The following ASAP1 variants were observed in gnomAD, a reference collection of about 807,000 sequenced individuals.
ASAP1 encodes the protein ArfGAP with SH3 domain, ankyrin repeat and PH domain 1.
Under a neutral mutation model 145.2 loss-of-function variants are expected in ASAP1, and 43 were observed. The observed-to-expected ratio is 0.30, with a 90% CI of 0.23 to 0.38. The LOEUF is 0.38. Ranked by LOEUF, ASAP1 falls within the 10% of genes least tolerant of loss-of-function variation. The probability of loss-of-function intolerance (pLI) is 1.00; values close to 1 mark genes in which losing one functional copy is unlikely to be tolerated. For missense variants in ASAP1, 1,018 were observed against 1,355.3 expected (o/e 0.75, Z 3.91); for synonymous variants, 546 against 515.5 (o/e 1.06, Z -0.80).
intron 2 of ASAP1, among the ~76,000 whole-genome samples, chr8:130,396,714 C>G (rs1252654750): frequency 6.6e-6 from 1 of 152,218 alleles, no homozygotes; most frequent in Non-Finnish European, 1.5e-5. Context: ...CATTCCTGAT[C>G]CCTGCCCTGC....
rs904558903 is a variant in ASAP1 at position 130,308,319 on chromosome 8, G to A, written c.186+49698C>T. On this transcript the variant is annotated intron_variant, in intron 3 of 29. Transcript: ENST00000518721. ...CAACCCCATGTTATGATCAAAATAAGAAACCTGAATACAGGCAGACAGGGG... is the reference window on the plus strand; with the variant it reads ...CAACCCCATGTTATGATCAAAATAAAAAACCTGAATACAGGCAGACAGGGG... 1.4e-4 allele frequency among the ~76,000 whole-genome samples: 22 copies of A among 152,082 alleles called. 1 individual carries two copies. The highest frequency in any genetic ancestry group is 1.4e-3 in the Admixed American group (22 of 15,278).
chr8:130,276,728 A>ACACACTCTCTCTCTCT lies in ASAP1; in HGVS notation c.187-39735_187-39734insAGAGAGAGAGAGTGTG, dbSNP rs548512902. Among the ~76,000 whole-genome samples the ACACACTCTCTCTCTCT allele has an allele frequency of 3.3e-3, 290 of 87,276 alleles. 3 individuals carry two copies. Among genetic ancestry groups the ACACACTCTCTCTCTCT allele is most frequent in the East Asian group, 0.014 (29 of 2,022 alleles). The allele number at this position is 87,276 out of a possible 152,430, so 57.3% of individuals were successfully genotyped here. The stretch of plus-strand genomic sequence containing the variant: ...CACACACACACACACACACACACAC[A>ACACACTCTCTCTCTCT]CTCTCTCTCTCTCTCTCTCTCTCTC... On this transcript the variant is annotated intron_variant, in intron 3 of 29. Coordinates refer to ENST00000518721, the MANE Select transcript of ASAP1 (RefSeq NM_018482.4).
At chr8:130,284,452 T>A (rs528139732) in intron 3 of ASAP1, among the ~76,000 whole-genome samples, 1 of 152,206 alleles carries the variant, frequency 6.6e-6, no homozygotes, top group East Asian at 1.9e-4. Flanking sequence ...TCAACTTTTC[T>A]CTAAAGGTGA....
intron 13 of ASAP1, among the ~76,000 whole-genome samples, chr8:130,140,166 G>C (rs2097606973): frequency 6.6e-6 from 1 of 151,234 alleles, no homozygotes; most frequent in Non-Finnish European, 1.5e-5. Flanking sequence ...CCAAGTAGCT[G>C]GGACTATGGA....
At chr8:130,357,996 G>T (rs748706998) in intron 3 of ASAP1, 21 bp downstream of exon 3, 16 of 1,594,930 alleles carry the variant, frequency 1.0e-5, no homozygotes, top group Admixed American at 1.7e-5. Flanking sequence ...CGTGGACGGC[G>T]GGGGTCCCGG....
At chr8:130,308,859 T>C (rs796827082) in intron 3 of ASAP1, among the ~76,000 whole-genome samples, 1 of 151,974 alleles carries the variant, frequency 6.6e-6, no homozygotes, top group Non-Finnish European at 1.5e-5. Context: ...CTGGCCAACA[T>C]GGTAAAACCT....
intron 22 of ASAP1, among the ~76,000 whole-genome samples, 154 bp from the exon 23 acceptor site, chr8:130,115,889 G>A (rs1018343287): frequency 2.0e-5 from 3 of 152,210 alleles, no homozygotes; most frequent in African/African-American, 2.4e-5. Context: ...AAGCTGCACT[G>A]CTATGTGACA....
intron 25 of ASAP1, chr8:130,083,297 TTCCTTTTCCCTGCA>T (rs1443433098): frequency 6.6e-6 from 1 of 152,216 alleles, no homozygotes; most frequent in Non-Finnish European, 1.5e-5. Context: ...GCCCCTTACG[TTCCTTTTCCCTGCA>T]AGGAAGGCCT....
intron 13 of ASAP1, among the ~76,000 whole-genome samples, chr8:130,149,614 G>C (rs1292526094): frequency 1.3e-5 from 2 of 152,108 alleles, no homozygotes; most frequent in Non-Finnish European, 1.5e-5. Context: ...ACACTGATGA[G>C]GGCCTTCAAA....
intron 3 of ASAP1, among the ~76,000 whole-genome samples, chr8:130,309,196 G>A (rs1236232500): frequency 2.0e-5 from 3 of 152,116 alleles, no homozygotes; most frequent in Non-Finnish European, 2.9e-5. Context: ...TGCTTGCTTT[G>A]GGGCATAGTC....
At chr8:130,342,627 C>T (rs561782114) in intron 3 of ASAP1, among the ~76,000 whole-genome samples, 41 of 152,234 alleles carry the variant, frequency 2.7e-4, no homozygotes, top group Non-Finnish European at 5.9e-4. Context: ...AAAACAAAAG[C>T]GGCTGTTACA....
rs745746856 is a variant in ASAP1, at chr8:130,402,032, T to C, written c.-27-62A>G. On this transcript the variant is annotated intron_variant, in intron 1 of 29. Coordinates refer to ENST00000518721, the MANE Select transcript of ASAP1 (RefSeq NM_018482.4). ...ATCCGGTGAAACTGGGCAGAAGACATTGTCTCAGACCAAGATCGGATTTCA... is the reference window on the plus strand; with the variant it reads ...ATCCGGTGAAACTGGGCAGAAGACACTGTCTCAGACCAAGATCGGATTTCA... The C allele has an allele frequency of 1.0e-5, 12 of 1,148,796 alleles. No individual in the cohort carries two copies. The African/African-American group carries it at 1.1e-4, about 10-fold the overall frequency. The allele number at this position is 1,148,796 out of a possible 1,614,324, so 71.2% of individuals were successfully genotyped here.
chr8:130,174,089 T>TC (rs1280100228), intron 9 of ASAP1, among the ~76,000 whole-genome samples: 1 of 64,672 alleles, frequency 1.5e-5, no homozygotes, highest in South Asian at 6.4e-4. Context: ...AGACTCCGTC[T>TC]CCAAAAAAAA....
intron 3 of ASAP1, among the ~76,000 whole-genome samples, chr8:130,278,686 T>G (rs1208576668): frequency 6.6e-6 from 1 of 152,134 alleles, no homozygotes; most frequent in Non-Finnish European, 1.5e-5. Flanking sequence ...TCTAATTAAT[T>G]CCTGGGATAT....
chr8:130,172,121 T>C (rs1036641336), intron 9 of ASAP1, among the ~76,000 whole-genome samples: 3 of 152,166 alleles, frequency 2.0e-5, no homozygotes, highest in Admixed American at 1.3e-4. Context: ...ATAATACAGA[T>C]AGGACATGTG....
At chr8:130,113,000 C>CAGGT (rs940820107) in intron 23 of ASAP1, among the ~76,000 whole-genome samples, 3 of 152,234 alleles carry the variant, frequency 2.0e-5, no homozygotes, top group Non-Finnish European at 4.4e-5. Flanking sequence ...CCTCCTAGTA[C>CAGGT]AGGTGCTCAC....
intron 25 of ASAP1, among the ~76,000 whole-genome samples, chr8:130,080,850 C>G (rs929874522): frequency 6.6e-6 from 1 of 152,166 alleles, no homozygotes; most frequent in Non-Finnish European, 1.5e-5. Context: ...CCAGGCTGGT[C>G]TAAAATTCCT....
At chr8:130,157,593 C>T (rs2097660537) in intron 12 of ASAP1, among the ~76,000 whole-genome samples, 1 of 152,156 alleles carries the variant, frequency 6.6e-6, no homozygotes, top group Admixed American at 6.5e-5. Flanking sequence ...TCAAAACCCT[C>T]TAATGATTCC....
intron 3 of ASAP1, among the ~76,000 whole-genome samples, chr8:130,268,118 T>G (rs1586720739): frequency 6.6e-6 from 1 of 152,230 alleles, no homozygotes; most frequent in South Asian, 2.1e-4. Flanking sequence ...TCTCTGCAGA[T>G]CCAGTAACAC....
Sources: gnomAD v4.1 joint callset for allele counts (sites outside exome capture counted in the v4.1 genomes callset) on GRCh38, gnomAD v4.1.1 for gene constraint, MANE v1.5 for transcripts, NCBI Gene and HGNC (gene_info 2026-07-23, HGNC 2026-07-21) for gene names.